The following CEP68 variants were observed in gnomAD, a reference collection of about 807,000 sequenced individuals.
The protein encoded by CEP68 is centrosomal protein 68.
Under a neutral mutation model 55.3 loss-of-function variants are expected in CEP68, and 26 were observed. That is an observed-to-expected ratio of 0.47 (90% CI 0.34 to 0.65). CEP68 has a LOEUF of 0.65. Among genes scored for constraint, CEP68 ranks in the 30% least tolerant of loss-of-function variants. The pLI is 0.01. For missense variants in CEP68, 957 were observed against 946.7 expected (o/e 1.01, Z -0.14); for synonymous variants, 402 against 383.2 (o/e 1.05, Z -0.57).
intron 3 of CEP68, chr2:65,073,882 A>G (rs998403888): frequency 1.3e-4 from 24 of 185,578 alleles, no homozygotes; most frequent in Non-Finnish European, 2.3e-5. Flanking sequence ...GTTCTTCGCT[A>G]TAGCTTCAGG....
At chr2:65,062,133 G>T (rs1224133447) in intron 1 of CEP68, among the ~76,000 whole-genome samples, 1 of 152,208 alleles carries the variant, frequency 6.6e-6, no homozygotes, top group Non-Finnish European at 1.5e-5. Context: ...GGCCTCTGTG[G>T]CTGGCACAGG....
At chr2:65,078,573 T>C (rs1403759607) in intron 5 of CEP68, among the ~76,000 whole-genome samples, 1 of 152,220 alleles carries the variant, frequency 6.6e-6, no homozygotes, top group Non-Finnish European at 1.5e-5. Context: ...AGTTTCGCTC[T>C]TGTTGCCAAG....
intron 1 of CEP68, among the ~76,000 whole-genome samples, chr2:65,066,726 CAAAAAAAAA>C (rs869096839): frequency 2.3e-5 from 1 of 43,230 alleles, no homozygotes; most frequent in Non-Finnish European, 4.2e-5. Flanking sequence ...GACTCTGTCT[CAAAAAAAAA>C]AAAAAAAAAA....
At chr2:65,077,306 ACTT>A (rs1424145432) in intron 4 of CEP68, among the ~76,000 whole-genome samples, 8 of 152,028 alleles carry the variant, frequency 5.3e-5, no homozygotes, top group African/African-American at 1.7e-4. Context: ...CTGACTTTAC[ACTT>A]CTTAACTGCT....
chr2:65,076,275 T>A (rs1051660575), intron 4 of CEP68, among the ~76,000 whole-genome samples: 3 of 152,190 alleles, frequency 2.0e-5, no homozygotes, highest in Non-Finnish European at 4.4e-5. Context: ...TGGCCTTTCC[T>A]GGCTTGTCAG....
In CEP68 at chr2:65,083,704, A is replaced by G. The variant is rs555899049; in HGVS notation, c.*70A>G. On this transcript the variant is annotated 3_prime_UTR_variant, in exon 7 of 7. Transcript: ENST00000377990. ...TGGCTAGTGAGAAAAAAAACCTTCA[A>G]GAAGTCCTTGCAAGAGCCATTCAAC... 8 of 152,222 alleles carry G rather than the reference A, an allele frequency of 5.3e-5. No homozygotes were observed. Among genetic ancestry groups the G allele is most frequent in the Non-Finnish European group, 1.0e-4 (7 of 68,028 alleles). The allele number at this position is 152,222 out of a possible 1,614,324, so 9.4% of individuals were successfully genotyped here. A position where few individuals can be genotyped will look rare whatever the true frequency, so the allele number is the denominator to read the frequency against.
intron 1 of CEP68, among the ~76,000 whole-genome samples, chr2:65,065,785 A>G (rs1251784628): frequency 1.3e-5 from 2 of 152,038 alleles, no homozygotes; most frequent in African/African-American, 4.8e-5. Flanking sequence ...CCTGGCCAAC[A>G]TGGTGAAACC....
At chr2:65,064,444 C>T (rs567605752) in intron 1 of CEP68, among the ~76,000 whole-genome samples, 6 of 152,000 alleles carry the variant, frequency 3.9e-5, no homozygotes, top group African/African-American at 1.2e-4. Context: ...TTTTAGAAAT[C>T]GAGCAAGAGG....
intron 1 of CEP68, among the ~76,000 whole-genome samples, chr2:65,060,235 T>C (rs1675844376): frequency 1.3e-5 from 2 of 152,052 alleles, no homozygotes; most frequent in Admixed American, 1.3e-4. Flanking sequence ...GGGAAATTTT[T>C]TTTTATCAGT....
intron 5 of CEP68, among the ~76,000 whole-genome samples, chr2:65,078,352 A>T (rs1198635442): frequency 6.6e-6 from 1 of 152,172 alleles, no homozygotes; most frequent in Non-Finnish European, 1.5e-5. Context: ...TACCTAGCCC[A>T]GGTTGAATTC....
At chr2:65,076,838 C>T (rs535718499) in intron 4 of CEP68, among the ~76,000 whole-genome samples, 2 of 152,160 alleles carry the variant, frequency 1.3e-5, no homozygotes, top group African/African-American at 4.8e-5. Context: ...CTTTGGGAGC[C>T]TGAGGCAGGT....
rs1676519156 is a variant in CEP68 at position 65,072,324 on chromosome 2, CGTT to C, written c.1230_1232del (p.Trp411del). 1 of 1,613,798 alleles carries C rather than the reference CGTT, an allele frequency of 6.2e-7. No individual in the cohort carries two copies. Among genetic ancestry groups the C allele is most frequent in the Admixed American group, 1.7e-5 (1 of 59,988 alleles). On this transcript the variant is annotated inframe_deletion, in exon 3 of 7. Coordinates refer to ENST00000377990, the MANE Select transcript of CEP68 (RefSeq NM_015147.3). ...CAGAGCCCCAGGCAGTAGGGATGCT[CGTT>C]GGGAGCGCAGAGAGCCAGCCCTGAG...
intron 1 of CEP68, among the ~76,000 whole-genome samples, chr2:65,063,604 C>G (rs1413252582): frequency 6.6e-6 from 1 of 152,190 alleles, no homozygotes; most frequent in African/African-American, 2.4e-5. Context: ...CTGAATCTAT[C>G]GCCCCCACCC....
chr2:65,058,084 T>A (rs1333195090), intron 1 of CEP68, among the ~76,000 whole-genome samples: 1 of 151,806 alleles, frequency 6.6e-6, no homozygotes, highest in Non-Finnish European at 1.5e-5. Flanking sequence ...AAGAAAATGA[T>A]CAGTAGCTGT....
rs1668980986 is a variant in CEP68 at position 65,084,828 on chromosome 2, C to T, written c.*1194C>T. 1 of 152,164 alleles carries T rather than the reference C, an allele frequency of 6.6e-6. No individual in the cohort carries two copies. The highest frequency in any genetic ancestry group is 2.4e-5 in the African/African-American group (1 of 41,440). The allele number at this position is 152,164 out of a possible 1,614,324, so 9.4% of individuals were successfully genotyped here. On this transcript the variant is annotated 3_prime_UTR_variant, in exon 7 of 7. Transcript: ENST00000377990. Reference sequence around the variant, plus strand: ...ACATAAAATGCAGTATTTCAAGTGCCTGATGCTGCTGTGGTATGCTTTATC... The same window carrying T: ...ACATAAAATGCAGTATTTCAAGTGCTTGATGCTGCTGTGGTATGCTTTATC...
intron 1 of CEP68, among the ~76,000 whole-genome samples, chr2:65,068,027 G>T (rs149700439): frequency 8.3e-4 from 126 of 152,234 alleles, no homozygotes; most frequent in African/African-American, 2.8e-3. Flanking sequence ...CCCTTTGCAG[G>T]CTCTCCACCA....
intron 1 of CEP68, among the ~76,000 whole-genome samples, chr2:65,057,848 G>A (rs1675713666): frequency 6.6e-6 from 1 of 152,056 alleles, no homozygotes; most frequent in Non-Finnish European, 1.5e-5. Context: ...GGTGATGGGG[G>A]TCTTGCCATG....
chr2:65,056,712 G>C (rs1425816040), intron 1 of CEP68, among the ~76,000 whole-genome samples, 184 bp downstream of exon 1: 1 of 151,990 alleles, frequency 6.6e-6, no homozygotes, highest in Non-Finnish European at 1.5e-5. Flanking sequence ...AAGGCTCCCT[G>C]GGGGGCGGGG....
At chr2:65,069,936 TTC>T (rs1339235137) in intron 2 of CEP68, 135 bp downstream of exon 2, 1 of 855,320 alleles carries the variant, frequency 1.2e-6, no homozygotes, top group Non-Finnish European at 1.9e-6. Context: ...GTATGATGAT[TTC>T]TGTTTTGCGG....
Sources: gnomAD v4.1 joint callset for allele counts (sites outside exome capture counted in the v4.1 genomes callset) on GRCh38, gnomAD v4.1.1 for gene constraint, MANE v1.5 for transcripts, NCBI Gene and HGNC (gene_info 2026-07-23, HGNC 2026-07-21) for gene names.